Variants in GSK3B observed in about 807,000 individuals in gnomAD.
The protein encoded by GSK3B is glycogen synthase kinase-3 beta.
GSK3B carries 15 observed loss-of-function variants against 56.4 expected under a neutral mutation model. The observed-to-expected ratio is 0.27, with a 90% CI of 0.18 to 0.41. The LOEUF is 0.41. Among genes scored for constraint, GSK3B ranks in the 10% least tolerant of loss-of-function variants. The pLI, the probability that GSK3B is intolerant of heterozygous loss-of-function variation, is 1.00. For missense variants in GSK3B, 300 were observed against 513.4 expected (o/e 0.58, Z 4.02); for synonymous variants, 181 against 188.9 (o/e 0.96, Z 0.34).
intron 1 of GSK3B, among the ~76,000 whole-genome samples, chr3:120,036,207 T>C (rs2058021262): frequency 1.3e-5 from 2 of 152,346 alleles, no homozygotes; most frequent in Admixed American, 1.3e-4. Flanking sequence ...ATAGTCTACA[T>C]AATGTATAGC....
chr3:120,001,957 T>G, intron 2 of GSK3B, 89 bp downstream of exon 2: 3 of 843,380 alleles, frequency 3.6e-6, no homozygotes, highest in Non-Finnish European at 3.6e-6. Flanking sequence ...AGAAGAAATT[T>G]GAAGCAAAAA....
intron 3 of GSK3B, among the ~76,000 whole-genome samples, chr3:119,934,336 T>C (rs1459170885): frequency 1.3e-5 from 2 of 152,208 alleles, no homozygotes; most frequent in African/African-American, 4.8e-5. Context: ...TACCTCTCTG[T>C]TGTCTTCTTG....
intron 1 of GSK3B, among the ~76,000 whole-genome samples, chr3:120,043,411 T>A (rs1014391335): frequency 4.6e-5 from 7 of 152,216 alleles, no homozygotes; most frequent in African/African-American, 1.7e-4. Flanking sequence ...CTAGGTCAGA[T>A]TCACCCCAAA....
chr3:120,065,553 G>C lies in GSK3B; in HGVS notation c.88+27794C>G, dbSNP rs1188926639. ...GTGCAGCCATTATGGAAAACAGTTT[G>C]GCAGTCCAGTAAATTAAACATAGAA... is the stretch of plus-strand genomic sequence containing the variant. On this transcript the variant is annotated intron_variant, in intron 1 of 10. Transcript: ENST00000264235. 3.9e-5 allele frequency among the ~76,000 whole-genome samples: 6 copies of C among 152,096 alleles called. No individual in the cohort carries two copies. The East Asian group carries it at 1.2e-3, about 29-fold the overall frequency.
chr3:119,964,478 G>A (rs1384190297), intron 2 of GSK3B, among the ~76,000 whole-genome samples: 2 of 152,128 alleles, frequency 1.3e-5, no homozygotes, highest in East Asian at 3.8e-4. Context: ...AGATGAACCT[G>A]GAAAATACGC....
chr3:119,853,529 G>A lies in GSK3B; in HGVS notation c.1096+9890C>T, dbSNP rs558980869. Among the ~76,000 whole-genome samples the A allele has an allele frequency of 4.7e-4, 72 of 152,216 alleles. No homozygotes were observed. The South Asian group carries it at 9.3e-3, about 20-fold the overall frequency. On this transcript the variant is annotated intron_variant, in intron 9 of 10. Coordinates refer to ENST00000264235, the MANE Select transcript of GSK3B (RefSeq NM_001146156.2). Reference sequence around the variant, plus strand: ...CCTTGGGCAGTAGGGCCATTTTCACGACATTGATTCCTCCTATCCATGAGC... The same window carrying A: ...CCTTGGGCAGTAGGGCCATTTTCACAACATTGATTCCTCCTATCCATGAGC...
intron 8 of GSK3B, among the ~76,000 whole-genome samples, chr3:119,872,792 C>T (rs977934313): frequency 6.6e-6 from 1 of 151,746 alleles, no homozygotes; most frequent in Non-Finnish European, 1.5e-5. Context: ...AGCAGATAAT[C>T]GCTATCTTAC....
chr3:119,957,716 AT>A (rs1412543618), intron 2 of GSK3B, among the ~76,000 whole-genome samples: 6 of 152,326 alleles, frequency 3.9e-5, no homozygotes, highest in African/African-American at 1.4e-4. Flanking sequence ...CAACATTATG[AT>A]CCCCACTTAA....
intron 9 of GSK3B, among the ~76,000 whole-genome samples, chr3:119,863,121 T>C (rs548774661): frequency 1.3e-5 from 2 of 152,320 alleles, no homozygotes; most frequent in Non-Finnish European, 2.9e-5. Flanking sequence ...AAATTGTACA[T>C]TTGTCCAATT....
chr3:119,884,306 C>G (rs976184181), intron 7 of GSK3B, among the ~76,000 whole-genome samples: 5 of 152,112 alleles, frequency 3.3e-5, no homozygotes, highest in Non-Finnish European at 5.9e-5. Flanking sequence ...TCTGATCTTG[C>G]TGAGGTCACG....
At chr3:120,013,182 A>T (rs1428217104) in intron 1 of GSK3B, among the ~76,000 whole-genome samples, 2 of 152,222 alleles carry the variant, frequency 1.3e-5, no homozygotes, top group Non-Finnish European at 2.9e-5. Flanking sequence ...GACCCATCCA[A>T]GGTATGGAGG....
chr3:119,939,198 T>C (rs1250918158), intron 3 of GSK3B, among the ~76,000 whole-genome samples: 1 of 152,012 alleles, frequency 6.6e-6, no homozygotes, highest in African/African-American at 2.4e-5. Context: ...GAAAGAAGCA[T>C]TCCAGAAGGT....
intron 1 of GSK3B, among the ~76,000 whole-genome samples, chr3:120,024,725 T>C (rs1576279118): frequency 6.6e-6 from 1 of 152,124 alleles, no homozygotes; most frequent in East Asian, 1.9e-4. Context: ...AAGTCCATAA[T>C]GGAGTATCTA....
intron 1 of GSK3B, among the ~76,000 whole-genome samples, chr3:120,012,201 G>A (rs145216804): frequency 1.5e-3 from 232 of 152,292 alleles, no homozygotes; most frequent in Middle Eastern, 3.4e-3. Context: ...TACAACAGTT[G>A]ATTCTGTGAC....
chr3:120,084,450 T>C (rs1187242954), intron 1 of GSK3B: 2 of 152,212 alleles, frequency 1.3e-5, no homozygotes, highest in African/African-American at 4.8e-5. Flanking sequence ...GACAGAAGAT[T>C]ACTTTCCATC....
rs187730434 is a variant in GSK3B, at chr3:119,860,345, C to T, written c.1096+3074G>A. On this transcript the variant is annotated intron_variant, in intron 9 of 10. Coordinates refer to ENST00000264235, the MANE Select transcript of GSK3B (RefSeq NM_001146156.2). Reference sequence around the variant, plus strand: ...AAGGGGGTGTGCCAAAGGTTTATTCCAATTTCCAACATCTGAATGCAGATA... The same window carrying T: ...AAGGGGGTGTGCCAAAGGTTTATTCTAATTTCCAACATCTGAATGCAGATA... 2.6e-5 allele frequency among the ~76,000 whole-genome samples: 4 copies of T among 152,226 alleles called. No individual in the cohort carries two copies. In the East Asian group the frequency reaches 5.8e-4, roughly 22 times the overall value.
chr3:120,002,099 CACA>C lies in GSK3B; in HGVS notation c.226_228del (p.Cys76del). Reference sequence around the variant, plus strand: ...TTGATGGCGACCAGTTCTCCTGAATCACAAAGTTTGGCTTGATATACCACACCA... The same window carrying C: ...TTGATGGCGACCAGTTCTCCTGAATCAAGTTTGGCTTGATATACCACACCA... On this transcript the variant is annotated inframe_deletion, in exon 2 of 11. Coordinates refer to ENST00000264235, the MANE Select transcript of GSK3B (RefSeq NM_001146156.2). 6.2e-7 allele frequency: 1 copy of C among 1,609,876 alleles called. No homozygotes were observed. The highest frequency in any genetic ancestry group is 8.5e-7 in the Non-Finnish European group (1 of 1,178,406).
intron 1 of GSK3B, among the ~76,000 whole-genome samples, chr3:120,060,186 A>G (rs1038268341): frequency 6.6e-6 from 1 of 152,220 alleles, no homozygotes; most frequent in Non-Finnish European, 1.5e-5. Flanking sequence ...TCTATTATAC[A>G]TTACAAGGTG....
intron 8 of GSK3B, among the ~76,000 whole-genome samples, chr3:119,869,493 T>C (rs2056226594): frequency 6.6e-6 from 1 of 152,204 alleles, no homozygotes; most frequent in African/African-American, 2.4e-5. Flanking sequence ...TTCGTTAAGA[T>C]ACCAGTTCAG....
Sources: allele counts gnomAD v4.1 joint callset (sites outside exome capture counted in the v4.1 genomes callset), GRCh38; gene constraint gnomAD v4.1.1; transcripts MANE v1.5; gene names NCBI Gene and HGNC (gene_info 2026-07-23, HGNC 2026-07-21).